The following RFX3 variants were observed in gnomAD, a reference collection of about 807,000 sequenced individuals.
RFX3 encodes the protein regulatory factor X3, also known as transcription factor RFX3.
In RFX3, 14 loss-of-function variants were observed where a neutral mutation model predicts 98.6. That is an observed-to-expected ratio of 0.14 (90% CI 0.09 to 0.22). RFX3 has a LOEUF of 0.22. RFX3 is among the 10% of genes least tolerant of loss of function. RFX3 has a pLI of 1.00. For synonymous variants in RFX3, 383 were observed against 328.4 expected (o/e 1.17, Z -1.80); for missense variants, 639 against 926.9 (o/e 0.69, Z 4.03).
At chr9:3,493,567 C>T (rs1051116363) in intron 1 of RFX3, among the ~76,000 whole-genome samples, 1 of 151,224 alleles carries the variant, frequency 6.6e-6, no homozygotes, top group Admixed American at 6.6e-5. Flanking sequence ...GCCTGTATTC[C>T]CAGCTACTCA....
chr9:3,416,924 A>G (rs1843033538), intron 1 of RFX3, among the ~76,000 whole-genome samples: 1 of 152,168 alleles, frequency 6.6e-6, no homozygotes, highest in South Asian at 2.1e-4. Flanking sequence ...AAACACACCA[A>G]TGAAGAGACA....
intron 1 of RFX3, among the ~76,000 whole-genome samples, chr9:3,493,848 A>T (rs758727746): frequency 2.6e-5 from 4 of 151,600 alleles, no homozygotes; most frequent in Non-Finnish European, 4.4e-5. Flanking sequence ...CCAACTCTTT[A>T]TACCAAAATC....
chr9:3,341,348 T>C (rs1304039389), intron 3 of RFX3, among the ~76,000 whole-genome samples: 1 of 151,802 alleles, frequency 6.6e-6, no homozygotes, highest in Admixed American at 6.6e-5. Context: ...GGCACATGTA[T>C]ACATATGTAA....
At chr9:3,371,576 T>G (rs1837864995) in intron 2 of RFX3, among the ~76,000 whole-genome samples, 1 of 152,154 alleles carries the variant, frequency 6.6e-6, no homozygotes, top group Admixed American at 6.5e-5. Context: ...TTAAATTATA[T>G]AAGACTTCTT....
At chr9:3,259,965 G>A (rs1196238506) in intron 13 of RFX3, among the ~76,000 whole-genome samples, 1 of 151,940 alleles carries the variant, frequency 6.6e-6, no homozygotes, top group Admixed American at 6.6e-5. Context: ...TATAGAAGCT[G>A]GGACGACTTC....
rs1014468471 is a variant in RFX3, at chr9:3,476,427, T to C, written c.-9+49320A>G. On this transcript the variant is annotated intron_variant, in intron 1 of 16. Coordinates refer to ENST00000617270, the MANE Select transcript of RFX3 (RefSeq NM_001282116.2). ...CTGGAAGGTAGCTAGTTTATCAGCATTGATGCAAAGTTTAGTATTTATGGA... is the reference window on the plus strand; with the variant it reads ...CTGGAAGGTAGCTAGTTTATCAGCACTGATGCAAAGTTTAGTATTTATGGA... 4.6e-5 allele frequency among the ~76,000 whole-genome samples: 7 copies of C among 152,188 alleles called. No individual in the cohort carries two copies. The South Asian group carries it at 1.0e-3, about 23-fold the overall frequency.
intron 3 of RFX3, among the ~76,000 whole-genome samples, chr9:3,332,752 C>T (rs1393178729): frequency 6.6e-6 from 1 of 152,164 alleles, no homozygotes; most frequent in African/African-American, 2.4e-5. Context: ...GCTCTCTTCA[C>T]TCACATCATA....
chr9:3,483,879 G>A (rs1850026371), intron 1 of RFX3, among the ~76,000 whole-genome samples: 1 of 152,172 alleles, frequency 6.6e-6, no homozygotes, highest in Admixed American at 6.5e-5. Flanking sequence ...ATGTCTTCTA[G>A]TATAAACCTT....
intron 1 of RFX3, among the ~76,000 whole-genome samples, chr9:3,474,473 T>C (rs1357071706): frequency 6.6e-6 from 1 of 152,190 alleles, no homozygotes; most frequent in Non-Finnish European, 1.5e-5. Flanking sequence ...GGAAATTCCG[T>C]GATTGTCTCA....
At chr9:3,283,137 A>G (rs1224862267) in intron 7 of RFX3, among the ~76,000 whole-genome samples, 1 of 151,778 alleles carries the variant, frequency 6.6e-6, no homozygotes, top group East Asian at 1.9e-4. Flanking sequence ...ATGATAAACT[A>G]TTAACATCAA....
intron 14 of RFX3, among the ~76,000 whole-genome samples, chr9:3,250,391 G>C (rs985932741): frequency 1.3e-5 from 2 of 151,868 alleles, no homozygotes; most frequent in African/African-American, 4.8e-5. Context: ...ATTTTACTTG[G>C]AATTAAAGAA....
intron 14 of RFX3, among the ~76,000 whole-genome samples, chr9:3,250,613 T>C (rs911365868): frequency 6.6e-5 from 10 of 151,984 alleles, no homozygotes; most frequent in African/African-American, 1.2e-4. Context: ...ATTTACACAA[T>C]TGACCAAAGA....
intron 1 of RFX3, among the ~76,000 whole-genome samples, chr9:3,419,672 A>G (rs1219994819): frequency 6.6e-6 from 1 of 152,210 alleles, no homozygotes; most frequent in Non-Finnish European, 1.5e-5. Context: ...TGCTTCCAGG[A>G]TCCCCTGAGG....
intron 1 of RFX3, among the ~76,000 whole-genome samples, chr9:3,510,417 G>T (rs906723432): frequency 6.6e-6 from 1 of 151,932 alleles, no homozygotes; most frequent in Non-Finnish European, 1.5e-5. Context: ...AGTTATTGAG[G>T]AGTTACTCAA....
chr9:3,258,101 G>A (rs1325916643), intron 13 of RFX3, among the ~76,000 whole-genome samples: 1 of 152,118 alleles, frequency 6.6e-6, no homozygotes, highest in Non-Finnish European at 1.5e-5. Context: ...ATAGGTGTTA[G>A]GTCCTGAATA....
rs1306466168 is a variant in RFX3 at position 3,257,076 on chromosome 9, T to C, written c.1729A>G (p.Met577Val). The change falls in exon 14 of 17, where the codon ATG becomes GTG. Residue 577 changes from methionine to valine, a missense_variant. By Grantham distance (21) the Met-to-Val change is conservative. Coordinates refer to ENST00000617270, the MANE Select transcript of RFX3 (RefSeq NM_001282116.2). ...EQWAAWLDNVMMQALKPYEGR... is the reference protein window; with the variant it reads ...EQWAAWLDNVVMQALKPYEGR... ...TCATAGGGTTTCAGTGCTTGCATCA[T>C]CACATTGTCAAGCCACGCAGCCCAC... is the stretch of plus-strand genomic sequence containing the variant. 2 of 1,614,036 alleles carry C rather than the reference T, an allele frequency of 1.2e-6. No homozygotes were observed. Among genetic ancestry groups the C allele is most frequent in the Admixed American group, 3.3e-5 (2 of 60,000 alleles).
At chr9:3,461,805 G>A (rs953463480) in intron 1 of RFX3, among the ~76,000 whole-genome samples, 1 of 151,670 alleles carries the variant, frequency 6.6e-6, no homozygotes, top group Non-Finnish European at 1.5e-5. Context: ...ATTTTAATTT[G>A]CATATCAATT....
intron 4 of RFX3, among the ~76,000 whole-genome samples, chr9:3,310,449 A>T (rs981781853): frequency 3.3e-5 from 5 of 152,192 alleles, no homozygotes; most frequent in African/African-American, 1.2e-4. Context: ...TGGCTTTTTA[A>T]TCTTTTGTTA....
chr9:3,525,918 A>G lies in RFX3; in HGVS notation c.-180T>C. ...GATTCACAAGGCAACGGTTGCTATA[A>G]CTCACAAAAGAGAGAGAGAGAGGGA... On this transcript the variant is annotated 5_prime_UTR_variant, in exon 1 of 17. Transcript: ENST00000617270. 1.0e-6 allele frequency: 1 copy of G among 979,322 alleles called. No homozygotes were observed. Among genetic ancestry groups the G allele is most frequent in the Non-Finnish European group, 1.2e-6 (1 of 826,644 alleles). 60.7% of individuals were successfully genotyped at this position (979,322 alleles called of 1,614,324 possible).
Sources: gnomAD v4.1 joint callset for allele counts (sites outside exome capture counted in the v4.1 genomes callset) on GRCh38, gnomAD v4.1.1 for gene constraint, MANE v1.5 for transcripts, NCBI Gene and HGNC (gene_info 2026-07-23, HGNC 2026-07-21) for gene names.